Variants in PPA2 observed in about 807,000 individuals in gnomAD.
The protein encoded by PPA2 is inorganic pyrophosphatase 2.
PPA2 carries 48 observed loss-of-function variants against 49.5 expected under a neutral mutation model. The observed-to-expected ratio is 0.97, with a 90% confidence interval of 0.77 to 1.23. The LOEUF is 1.23. Among genes scored for constraint, PPA2 ranks in the 50% most tolerant of loss-of-function variants. The probability of loss-of-function intolerance (pLI) is 0.00; values close to 1 mark genes in which losing one functional copy is unlikely to be tolerated. For missense variants in PPA2, 429 were observed against 410.1 expected (o/e 1.05, Z -0.40); for synonymous variants, 131 against 139.9 (o/e 0.94, Z 0.45).
chr4:105,417,680 C>T (rs1723076173), intron 7 of PPA2, among the ~76,000 whole-genome samples: 1 of 152,114 alleles, frequency 6.6e-6, no homozygotes, highest in South Asian at 2.1e-4. Context: ...CTGCCTCCTC[C>T]TACAACCCAT....
intron 6 of PPA2, among the ~76,000 whole-genome samples, chr4:105,425,397 T>C (rs1429798434): frequency 6.6e-6 from 1 of 152,094 alleles, no homozygotes; most frequent in Non-Finnish European, 1.5e-5. Context: ...AATAGAACTT[T>C]AAGAGCTAAG....
chr4:105,432,390 T>C (rs767578308), intron 6 of PPA2, among the ~76,000 whole-genome samples: 2 of 152,220 alleles, frequency 1.3e-5, no homozygotes, highest in Non-Finnish European at 2.9e-5. Context: ...ACAAACTTTA[T>C]GCAGAAAAAC....
chr4:105,398,749 T>C (rs370627721), intron 8 of PPA2: 2 of 219,194 alleles, frequency 9.1e-6, no homozygotes, highest in Non-Finnish European at 1.8e-5. Context: ...AGTTTTTCTA[T>C]GTACACAATT....
At chr4:105,441,105 T>C (rs1724341597) in intron 5 of PPA2, among the ~76,000 whole-genome samples, 1 of 152,234 alleles carries the variant, frequency 6.6e-6, no homozygotes, top group African/African-American at 2.4e-5. Context: ...TGGAGTCTTA[T>C]GTGTGTAACT....
chr4:105,471,157 T>C (rs546951502), intron 1 of PPA2, among the ~76,000 whole-genome samples: 2 of 152,328 alleles, frequency 1.3e-5, no homozygotes, highest in Non-Finnish European at 2.9e-5. Flanking sequence ...CATGGGATGC[T>C]TGTGTTCAAC....
chr4:105,425,834 T>C (rs1723480597), intron 6 of PPA2, among the ~76,000 whole-genome samples: 1 of 150,934 alleles, frequency 6.6e-6, no homozygotes, highest in African/African-American at 2.4e-5. Context: ...AAACCAGTGA[T>C]AGTGACAGAG....
chr4:105,418,985 C>A (rs923085177), intron 7 of PPA2, among the ~76,000 whole-genome samples: 1 of 152,116 alleles, frequency 6.6e-6, no homozygotes, highest in African/African-American at 2.4e-5. Context: ...TATTTCATAA[C>A]CAAAGCTATT....
chr4:105,386,667 AC>A (rs778017972), intron 9 of PPA2, 31 bp from the exon 10 acceptor site: 1 of 1,590,892 alleles, frequency 6.3e-7, no homozygotes, highest in Non-Finnish European at 8.6e-7. Context: ...TTATTATTAA[AC>A]AGGATAAAAA....
chr4:105,370,146 G>T (rs1382586250), intron 11 of PPA2, among the ~76,000 whole-genome samples: 2 of 152,174 alleles, frequency 1.3e-5, no homozygotes, highest in Non-Finnish European at 2.9e-5. Flanking sequence ...CAATTTGTTA[G>T]CTTACCATAT....
intron 1 of PPA2, among the ~76,000 whole-genome samples, chr4:105,466,364 T>C (rs912832780): frequency 2.0e-5 from 3 of 151,956 alleles, no homozygotes; most frequent in Non-Finnish European, 2.9e-5. Flanking sequence ...CCTGTTCCTA[T>C]GGAAATCACA....
chr4:105,472,183 C>A (rs1723550376), intron 1 of PPA2, among the ~76,000 whole-genome samples: 1 of 152,200 alleles, frequency 6.6e-6, no homozygotes, highest in Admixed American at 6.5e-5. Flanking sequence ...GCTGAAGAAA[C>A]TGGCTCTGTG....
chr4:105,387,088 T>C (rs778632545), intron 9 of PPA2, among the ~76,000 whole-genome samples: 1 of 152,188 alleles, frequency 6.6e-6, no homozygotes, highest in Non-Finnish European at 1.5e-5. Flanking sequence ...AAGAGGAAAC[T>C]ATATGAATGT....
intron 6 of PPA2, among the ~76,000 whole-genome samples, chr4:105,432,911 A>C (rs1276845362): frequency 1.3e-5 from 2 of 152,190 alleles, no homozygotes; most frequent in African/African-American, 4.8e-5. Context: ...TAGCAATGTA[A>C]GTTTGGGGAA....
At chr4:105,406,174 A>T (rs977958653) in intron 7 of PPA2, among the ~76,000 whole-genome samples, 8 of 151,342 alleles carry the variant, frequency 5.3e-5, no homozygotes, top group African/African-American at 1.9e-4. Flanking sequence ...TAGATTTAAC[A>T]GCAGAACGTG....
intron 8 of PPA2, among the ~76,000 whole-genome samples, chr4:105,396,683 T>A (rs1464527383): frequency 2.6e-5 from 4 of 152,154 alleles, no homozygotes; most frequent in African/African-American, 9.7e-5. Flanking sequence ...GCTCTAGTAC[T>A]ACGATAGCAG....
chr4:105,461,515 T>C (rs1291706590), intron 1 of PPA2, among the ~76,000 whole-genome samples: 1 of 152,154 alleles, frequency 6.6e-6, no homozygotes, highest in African/African-American at 2.4e-5. Context: ...CTGGTTTCTA[T>C]TTAGCCCTTA....
intron 7 of PPA2, among the ~76,000 whole-genome samples, chr4:105,417,361 A>G (rs1375452247): frequency 1.3e-5 from 2 of 152,200 alleles, no homozygotes; most frequent in East Asian, 3.8e-4. Flanking sequence ...TATTTCCTAT[A>G]ACAAAAATTT....
Position 105,412,140 on chromosome 4 carries a change from T to C in PPA2, c.655+12056A>G, listed in dbSNP as rs183958991. On this transcript the variant is annotated intron_variant, in intron 7 of 11. Coordinates refer to ENST00000341695, the MANE Select transcript of PPA2 (RefSeq NM_176869.3). ...AAAAGAGCCCGCATAGCCAAGGCAA[T>C]CCTAAGCAAAAAGAACAAAGCTGGA... Among the ~76,000 whole-genome samples the C allele has an allele frequency of 6.5e-3, 997 of 152,236 alleles. 8 individuals are homozygous for C. Among genetic ancestry groups the C allele is most frequent in the African/African-American group, 0.023 (935 of 41,554 alleles).
intron 9 of PPA2, among the ~76,000 whole-genome samples, chr4:105,388,326 C>A (rs545637801): frequency 6.6e-6 from 1 of 151,886 alleles, no homozygotes; most frequent in South Asian, 2.1e-4. Flanking sequence ...CCTACTCTTA[C>A]AACAAAATGA....
Sources: allele counts gnomAD v4.1 joint callset (sites outside exome capture counted in the v4.1 genomes callset), GRCh38; gene constraint gnomAD v4.1.1; transcripts MANE v1.5; gene names NCBI Gene and HGNC (gene_info 2026-07-23, HGNC 2026-07-21).